Variants in TNNI3K observed in about 807,000 individuals in gnomAD.
TNNI3K encodes the protein serine/threonine-protein kinase TNNI3K.
TNNI3K carries 140 observed loss-of-function variants against 114.5 expected under a neutral mutation model. The ratio of observed to expected loss-of-function variants is 1.22; its 90% CI spans 1.07 to 1.41. TNNI3K has a LOEUF of 1.41. Among genes scored for constraint, TNNI3K ranks in the 40% most tolerant of loss-of-function variants. The pLI is 0.00. For synonymous variants in TNNI3K, 347 were observed against 347.5 expected, an observed-to-expected ratio of 1.00 and a Z score of 0.02; for missense variants, 1,125 against 1,007.6, an observed-to-expected ratio of 1.12 and a Z score of -1.58.
intron 21 of TNNI3K, chr1:74,468,230 G>A (rs1195936065): frequency 1.3e-5 from 2 of 151,530 alleles, no homozygotes; most frequent in East Asian, 3.9e-4. Context: ...AAAGCTAAAG[G>A]TGCTGAAGTA....
intron 20 of TNNI3K, among the ~76,000 whole-genome samples, chr1:74,458,960 C>T (rs575466554): frequency 1.3e-5 from 2 of 152,198 alleles, no homozygotes; most frequent in South Asian, 4.2e-4. Flanking sequence ...ATCTTTATGT[C>T]CATGTGTACC....
At chr1:74,266,669 A>G (rs1656011202) in intron 4 of TNNI3K, among the ~76,000 whole-genome samples, 1 of 152,048 alleles carries the variant, frequency 6.6e-6, no homozygotes, top group Admixed American at 6.6e-5. Context: ...AATTTTAAAA[A>G]TGGATGTAAT....
intron 5 of TNNI3K, among the ~76,000 whole-genome samples, chr1:74,285,058 A>T (rs947736778): frequency 7.2e-5 from 11 of 152,254 alleles, no homozygotes. Context: ...ATTCTTAGTT[A>T]GAGGTGAATA....
chr1:74,353,893 T>C, intron 10 of TNNI3K, 87 bp from the exon 11 acceptor site: 3 of 1,461,388 alleles, frequency 2.1e-6, no homozygotes, highest in Non-Finnish European at 2.8e-6. Flanking sequence ...GAAATAATGC[T>C]ATTATGTGGT....
intron 20 of TNNI3K, among the ~76,000 whole-genome samples, chr1:74,446,901 T>C (rs1278826446): frequency 7.0e-6 from 1 of 141,946 alleles, no homozygotes; most frequent in Non-Finnish European, 1.5e-5. Flanking sequence ...TTGATCTATA[T>C]CTCTGTTTTG....
At chr1:74,403,356 A>G (rs1053611751) in intron 17 of TNNI3K, among the ~76,000 whole-genome samples, 1 of 152,174 alleles carries the variant, frequency 6.6e-6, no homozygotes, top group Non-Finnish European at 1.5e-5. Flanking sequence ...ATTTTAACTT[A>G]TAAACATCAA....
intron 21 of TNNI3K, among the ~76,000 whole-genome samples, chr1:74,465,542 C>T (rs550265512): frequency 7.9e-5 from 12 of 152,332 alleles, no homozygotes; most frequent in African/African-American, 2.6e-4. Context: ...GAGTCCCCCC[C>T]CAACCGTGGG....
chr1:74,479,449 T>C (rs942281574), intron 21 of TNNI3K, among the ~76,000 whole-genome samples: 1 of 152,168 alleles, frequency 6.6e-6, no homozygotes, highest in African/African-American at 2.4e-5. Context: ...TACATAGAGT[T>C]GGACAAACAG....
At chr1:74,381,791 C>T (rs905627072) in intron 17 of TNNI3K, among the ~76,000 whole-genome samples, 3 of 152,154 alleles carry the variant, frequency 2.0e-5, no homozygotes, top group African/African-American at 2.4e-5. Context: ...TATCCAAGAT[C>T]CTTCTCAGTG....
At chr1:74,345,238 A>C (rs2100451178) in intron 9 of TNNI3K, among the ~76,000 whole-genome samples, 1 of 152,236 alleles carries the variant, frequency 6.6e-6, no homozygotes, top group South Asian at 2.1e-4. Context: ...CTGAGATGGT[A>C]GTTTTTTTAT....
At chr1:74,340,925 A>T (rs1660718424) in intron 7 of TNNI3K, among the ~76,000 whole-genome samples, 1 of 152,160 alleles carries the variant, frequency 6.6e-6, no homozygotes, top group Non-Finnish European at 1.5e-5. Flanking sequence ...TAATAAAAAA[A>T]GATTCAAAGG....
chr1:74,456,222 G>A (rs1404940205), intron 20 of TNNI3K, among the ~76,000 whole-genome samples: 1 of 152,134 alleles, frequency 6.6e-6, no homozygotes, highest in African/African-American at 2.4e-5. Flanking sequence ...AATGGATTGA[G>A]GTGGGAGCAC....
intron 22 of TNNI3K, among the ~76,000 whole-genome samples, chr1:74,490,050 TAAA>T (rs36063099): frequency 5.0e-3 from 215 of 42,894 alleles, no homozygotes; most frequent in African/African-American, 0.015. Flanking sequence ...TTTTTTTTTC[TAAA>T]AAAAAAAAAA....
At chr1:74,451,683 T>TATCTATCTATC (rs1311984002) in intron 20 of TNNI3K, among the ~76,000 whole-genome samples, 1 of 76,216 alleles carries the variant, frequency 1.3e-5, no homozygotes, top group African/African-American at 4.1e-5. Context: ...TTTTCTTTTC[T>TATCTATCTATC]TTTCTTTCTT....
chr1:74,347,659 C>T (rs1213687565), intron 9 of TNNI3K, among the ~76,000 whole-genome samples: 1 of 152,094 alleles, frequency 6.6e-6, no homozygotes, highest in Non-Finnish European at 1.5e-5. Flanking sequence ...CTCTCCAGCA[C>T]CTGTTGTTTC....
intron 11 of TNNI3K, among the ~76,000 whole-genome samples, chr1:74,359,429 G>A (rs1481442588): frequency 1.3e-5 from 2 of 151,852 alleles, no homozygotes; most frequent in East Asian, 1.9e-4. Context: ...TAGGATAATA[G>A]GAATCCGCTA....
At chr1:74,273,427 C>A (rs925829980) in intron 5 of TNNI3K, among the ~76,000 whole-genome samples, 1 of 151,872 alleles carries the variant, frequency 6.6e-6, no homozygotes, top group African/African-American at 2.4e-5. Context: ...ATTAAGGGAT[C>A]TGGGTGAAAT....
intron 12 of TNNI3K, among the ~76,000 whole-genome samples, chr1:74,367,544 A>C (rs1435456455): frequency 6.6e-6 from 1 of 151,896 alleles, no homozygotes; most frequent in Non-Finnish European, 1.5e-5. Flanking sequence ...CTAACTCACC[A>C]ATCTGCAGCT....
At chr1:74,467,900 G>C (rs1667746211) in intron 21 of TNNI3K, among the ~76,000 whole-genome samples, 1 of 152,044 alleles carries the variant, frequency 6.6e-6, no homozygotes. Flanking sequence ...GCCCAACAAA[G>C]ATAAAAAATG....
Sources: gnomAD v4.1 joint callset for allele counts (sites outside exome capture counted in the v4.1 genomes callset) on GRCh38, gnomAD v4.1.1 for gene constraint, MANE v1.5 for transcripts, NCBI Gene and HGNC (gene_info 2026-07-23, HGNC 2026-07-21) for gene names.